GABBR2: variants seen among roughly 807,000 people sequenced by gnomAD.
GABBR2 encodes gamma-aminobutyric acid type B receptor subunit 2, also known as G-protein coupled receptor 51.
Under a neutral mutation model 105.6 loss-of-function variants are expected in GABBR2, and 23 were observed. The observed-to-expected ratio is 0.22, with a 90% CI of 0.16 to 0.31. GABBR2 has a LOEUF of 0.31. Ranked by LOEUF, GABBR2 falls within the 10% of genes least tolerant of loss-of-function variation. The pLI, the probability that GABBR2 is intolerant of heterozygous loss-of-function variation, is 1.00. For missense variants in GABBR2, 734 were observed against 1,245.5 expected (o/e 0.59, Z 6.18); for synonymous variants, 478 against 499.7 (o/e 0.96, Z 0.58).
At chr9:98,419,676 A>G (rs1564061049) in intron 7 of GABBR2, among the ~76,000 whole-genome samples, 1 of 152,162 alleles carries the variant, frequency 6.6e-6, no homozygotes, top group Non-Finnish European at 1.5e-5. Flanking sequence ...ACTTTCTCTG[A>G]TACAACCCTG....
rs879291180 is a variant in GABBR2 at position 98,304,904 on chromosome 9, C to CGGGTCT, written c.2229+1216_2229+1217insAGACCC. 4.6e-5 allele frequency among the ~76,000 whole-genome samples: 7 copies of CGGGTCT among 152,058 alleles called. No homozygotes were observed. The South Asian group carries it at 1.5e-3, about 32-fold the overall frequency. ...TTCCTACTTCAGCCTCCTGAGTAGCCAGGACTACAGGTGTGTACCACCACA... is the reference window on the plus strand; with the variant it reads ...TTCCTACTTCAGCCTCCTGAGTAGCCGGGTCTAGGACTACAGGTGTGTACCACCACA... On this transcript the variant is annotated intron_variant, in intron 15 of 18. Coordinates refer to ENST00000259455, the MANE Select transcript of GABBR2 (RefSeq NM_005458.8).
chr9:98,672,002 G>T (rs759674941), intron 1 of GABBR2, among the ~76,000 whole-genome samples: 4 of 151,988 alleles, frequency 2.6e-5, no homozygotes, highest in African/African-American at 4.8e-5. Context: ...TGTAGAACTG[G>T]GTGGATGATG....
At chr9:98,518,893 G>A (rs16916777) in intron 3 of GABBR2, among the ~76,000 whole-genome samples, 3,423 of 152,282 alleles carry the variant, frequency 0.022, 105 homozygotes, top group East Asian at 0.097. Flanking sequence ...TAGGTGAGCC[G>A]ACTGTGTCTT....
rs556947728 is a variant in GABBR2, at chr9:98,508,161, C to A, written c.631-11647G>T. Among the ~76,000 whole-genome samples the A allele has an allele frequency of 2.6e-4, 40 of 152,302 alleles. 1 individual carries two copies. In the South Asian group the frequency reaches 8.3e-3, roughly 32 times the overall value. Reference sequence around the variant, plus strand: ...ATATAGTTAAGGTGATGAATAGAAACTTCTATAGGAAATCAGCAATATGCA... The same window carrying A: ...ATATAGTTAAGGTGATGAATAGAAAATTCTATAGGAAATCAGCAATATGCA... On this transcript the variant is annotated intron_variant, in intron 3 of 18. Coordinates refer to ENST00000259455, the MANE Select transcript of GABBR2 (RefSeq NM_005458.8).
chr9:98,295,760 G>A (rs1157411461), intron 17 of GABBR2, among the ~76,000 whole-genome samples: 3 of 152,164 alleles, frequency 2.0e-5, no homozygotes, highest in Non-Finnish European at 2.9e-5. Flanking sequence ...TCTTGACCTC[G>A]TGATCCGCCC....
chr9:98,652,658 T>G (rs1830125497), intron 1 of GABBR2, among the ~76,000 whole-genome samples: 2 of 152,238 alleles, frequency 1.3e-5, no homozygotes, highest in Non-Finnish European at 2.9e-5. Context: ...CTTCCTCAAG[T>G]AGGCTAAAGC....
At chr9:98,418,361 C>A (rs894970407) in intron 7 of GABBR2, among the ~76,000 whole-genome samples, 3 of 152,018 alleles carry the variant, frequency 2.0e-5, no homozygotes, top group African/African-American at 7.3e-5. Flanking sequence ...CATAGCGAGA[C>A]CCCGTCCCTA....
intron 7 of GABBR2, among the ~76,000 whole-genome samples, chr9:98,412,184 G>A (rs1832602585): frequency 6.6e-6 from 1 of 152,110 alleles, no homozygotes; most frequent in South Asian, 2.1e-4. Context: ...GGCAAGAAGG[G>A]GAGCTTTCAT....
chr9:98,679,422 G>A (rs1405355452), intron 1 of GABBR2, among the ~76,000 whole-genome samples: 2 of 152,188 alleles, frequency 1.3e-5, no homozygotes, highest in African/African-American at 4.8e-5. Flanking sequence ...GAGAAGAGAA[G>A]CCACTATAAT....
intron 1 of GABBR2, among the ~76,000 whole-genome samples, chr9:98,675,725 G>C (rs531468626): frequency 1.3e-5 from 2 of 152,130 alleles, no homozygotes; most frequent in African/African-American, 4.8e-5. Flanking sequence ...CCCAGATTGA[G>C]AGTCTATGCA....
At chr9:98,436,401 ATATATAGT>A (rs1825926281) in intron 7 of GABBR2, among the ~76,000 whole-genome samples, 2 of 53,606 alleles carry the variant, frequency 3.7e-5, no homozygotes, top group African/African-American at 1.4e-4. Context: ...ATATATATAT[ATATATAGT>A]ATGGCGTTCT....
intron 12 of GABBR2, among the ~76,000 whole-genome samples, chr9:98,364,601 A>ATTTTTTTTTTTTTTT (rs61391834): frequency 7.4e-6 from 1 of 135,194 alleles, no homozygotes. Context: ...GAGGAAGTGG[A>ATTTTTTTTTTTTTTT]TTTTTTTTTT....
intron 4 of GABBR2, among the ~76,000 whole-genome samples, chr9:98,483,816 T>G (rs1197134243): frequency 6.6e-6 from 1 of 152,182 alleles, no homozygotes; most frequent in Admixed American, 6.5e-5. Context: ...TCTTCCTCTG[T>G]GAGCCTGGAT....
intron 1 of GABBR2, among the ~76,000 whole-genome samples, chr9:98,591,142 C>A (rs1829140226): frequency 6.6e-6 from 1 of 152,122 alleles, no homozygotes; most frequent in African/African-American, 2.4e-5. Context: ...TCAAATTGCA[C>A]TGAGATATTC....
At chr9:98,438,799 T>C (rs1436683310) in intron 7 of GABBR2, among the ~76,000 whole-genome samples, 1 of 152,174 alleles carries the variant, frequency 6.6e-6, no homozygotes, top group Non-Finnish European at 1.5e-5. Context: ...AAAAACCTCA[T>C]GCGTAAAAAG....
intron 5 of GABBR2, among the ~76,000 whole-genome samples, chr9:98,479,877 A>G (rs1826877678): frequency 6.6e-6 from 1 of 152,134 alleles, no homozygotes; most frequent in Non-Finnish European, 1.5e-5. Context: ...CTCAACACAC[A>G]GTACTCCTCA....
chr9:98,708,818 C>A lies in GABBR2; in HGVS notation c.-81G>T. The A allele has an allele frequency of 1.2e-6, 1 of 852,906 alleles. No homozygotes were observed. Among genetic ancestry groups the A allele is most frequent in the Non-Finnish European group, 1.4e-6 (1 of 710,716 alleles). The allele number at this position is 852,906 out of a possible 1,614,324, so 52.8% of individuals were successfully genotyped here. On this transcript the variant is annotated 5_prime_UTR_variant, in exon 1 of 19. Coordinates refer to ENST00000259455, the MANE Select transcript of GABBR2 (RefSeq NM_005458.8). ...CCGCCGCCCCGCGCCAAGGTCTTCC[C>A]GCGGCGCCCGCGCAATGGCGCCGGC...
intron 1 of GABBR2, among the ~76,000 whole-genome samples, chr9:98,613,152 T>C (rs1004359175): frequency 6.6e-6 from 1 of 152,104 alleles, no homozygotes; most frequent in Non-Finnish European, 1.5e-5. Flanking sequence ...AAAAGGTGAG[T>C]TGGCACCCAT....
At chr9:98,341,675 A>G (rs868177971) in intron 13 of GABBR2, among the ~76,000 whole-genome samples, 8 of 152,306 alleles carry the variant, frequency 5.3e-5, no homozygotes, top group Middle Eastern at 3.4e-3. Flanking sequence ...GAGAGAGCAC[A>G]GCCCATTTCC....
Sources: gnomAD v4.1 joint callset for allele counts (sites outside exome capture counted in the v4.1 genomes callset) on GRCh38, gnomAD v4.1.1 for gene constraint, MANE v1.5 for transcripts, NCBI Gene and HGNC (gene_info 2026-07-23, HGNC 2026-07-21) for gene names.